The following SHOC1 variants were observed in gnomAD, a reference collection of about 807,000 sequenced individuals.
SHOC1 encodes shortage in chiasmata 1.
In SHOC1, 136 loss-of-function variants were observed where a neutral mutation model predicts 179.2. The ratio of observed to expected loss-of-function variants is 0.76; its 90% CI spans 0.66 to 0.87. The LOEUF is 0.87. Ranked by LOEUF, SHOC1 falls within the 40% of genes least tolerant of loss-of-function variation. SHOC1 has a pLI of 0.00. For missense variants in SHOC1, 1,538 were observed against 1,700.8 expected (o/e 0.90, Z 1.68); for synonymous variants, 489 against 586.6 (o/e 0.83, Z 2.41).
At chr9:111,749,932 C>T (rs1834497454) in intron 8 of SHOC1, among the ~76,000 whole-genome samples, 1 of 152,090 alleles carries the variant, frequency 6.6e-6, no homozygotes, top group Admixed American at 6.6e-5. Flanking sequence ...CATTGATGGG[C>T]ATTTAGGTTG....
chr9:111,688,254 T>C (rs551950855), intron 27 of SHOC1, among the ~76,000 whole-genome samples: 13 of 152,182 alleles, frequency 8.5e-5, no homozygotes, highest in Non-Finnish European at 1.3e-4. Flanking sequence ...CACAGCCAAT[T>C]CTAAAATTTC....
At chr9:111,743,566 G>A (rs1242024510) in intron 10 of SHOC1, among the ~76,000 whole-genome samples, 1 of 152,142 alleles carries the variant, frequency 6.6e-6, no homozygotes, top group African/African-American at 2.4e-5. Context: ...CAGTGCTTGT[G>A]TTCAAGTAAC....
At chr9:111,769,514 C>T (rs1228456426) in intron 5 of SHOC1, among the ~76,000 whole-genome samples, 2 of 152,106 alleles carry the variant, frequency 1.3e-5, no homozygotes, top group East Asian at 1.9e-4. Flanking sequence ...CTCACTCTGT[C>T]ACCCAGGCTG....
chr9:111,759,324 G>T (rs1735002156), intron 5 of SHOC1: 1 of 1,559,648 alleles, frequency 6.4e-7, no homozygotes, highest in African/African-American at 1.4e-5. Context: ...GCCTACAAAT[G>T]AGACTGATTC....
At chr9:111,765,736 C>CA (rs1383543963) in intron 5 of SHOC1, among the ~76,000 whole-genome samples, 1 of 151,388 alleles carries the variant, frequency 6.6e-6, no homozygotes, top group African/African-American at 2.4e-5. Context: ...TTTTTTGAGA[C>CA]AGAGTCTCAC....
chr9:111,715,551 G>A (rs1818021881), intron 16 of SHOC1, among the ~76,000 whole-genome samples: 1 of 152,060 alleles, frequency 6.6e-6, no homozygotes, highest in South Asian at 2.1e-4. Flanking sequence ...TAGCATCCCT[G>A]AAATTCTTTT....
At chr9:111,721,329 CTT>C (rs1372882924) in intron 15 of SHOC1, among the ~76,000 whole-genome samples, 1 of 151,974 alleles carries the variant, frequency 6.6e-6, no homozygotes, top group East Asian at 1.9e-4. Context: ...CACATATATT[CTT>C]TGTTTGTTTG....
intron 27 of SHOC1, 25 bp from the exon 28 acceptor site, chr9:111,686,895 C>T (rs764154578): frequency 1.5e-5 from 21 of 1,390,446 alleles, no homozygotes; most frequent in Non-Finnish European, 2.1e-5. Flanking sequence ...AAAAGGAAAA[C>T]CATTTTATTG....
chr9:111,725,500 C>T (rs1263222043), intron 13 of SHOC1, among the ~76,000 whole-genome samples: 1 of 152,152 alleles, frequency 6.6e-6, no homozygotes, highest in Non-Finnish European at 1.5e-5. Flanking sequence ...GGATACCCCA[C>T]TGGGTCCAGG....
intron 24 of SHOC1, among the ~76,000 whole-genome samples, chr9:111,695,654 T>A (rs1178391074): frequency 6.6e-6 from 1 of 152,194 alleles, no homozygotes; most frequent in Non-Finnish European, 1.5e-5. Context: ...CAGAATCATC[T>A]GAATCATCAG....
intron 16 of SHOC1, among the ~76,000 whole-genome samples, chr9:111,715,453 T>TAGAG (rs1344973173): frequency 6.6e-6 from 1 of 152,216 alleles, no homozygotes; most frequent in Non-Finnish European, 1.5e-5. Flanking sequence ...GAGACTGACT[T>TAGAG]ACGTTCTTTC....
intron 27 of SHOC1, among the ~76,000 whole-genome samples, chr9:111,691,300 C>T (rs1831410581): frequency 6.6e-6 from 1 of 152,162 alleles, no homozygotes; most frequent in South Asian, 2.1e-4. Context: ...TCCTGCTTTA[C>T]TTAGAGTTGC....
Position 111,694,227 on chromosome 9 carries a change from A to G in SHOC1, c.3315+4T>C. 6.3e-7 allele frequency: 1 copy of G among 1,597,734 alleles called. No homozygotes were observed. Among genetic ancestry groups the G allele is most frequent in the Non-Finnish European group, 8.5e-7 (1 of 1,172,166 alleles). On this transcript the variant is annotated splice_donor_region_variant and intron_variant, in intron 25 of 27. Transcript: ENST00000682961. ...TATCTATTTTACACATTTAGAAAAT[A>G]TACCTCAGATGGTGAAACTTTAAGC... is the stretch of plus-strand genomic sequence containing the variant.
chr9:111,732,794 T>C (rs1182330433), intron 12 of SHOC1, among the ~76,000 whole-genome samples: 1 of 152,110 alleles, frequency 6.6e-6, no homozygotes, highest in Non-Finnish European at 1.5e-5. Flanking sequence ...GGAAGGAGAA[T>C]GACTGCAAAG....
At chr9:111,724,009 A>G (rs1452931160) in intron 13 of SHOC1, 98 bp from the exon 14 acceptor site, 5 of 883,684 alleles carry the variant, frequency 5.7e-6, no homozygotes, top group Non-Finnish European at 6.7e-6. Context: ...CACAGTTGTT[A>G]AATTTCTTCA....
rs1589370305 is a variant in SHOC1 at position 111,692,485 on chromosome 9, G to T, written c.3492C>A (p.Phe1164Leu). 5 of 1,585,626 alleles carry T rather than the reference G, an allele frequency of 3.2e-6. No homozygotes were observed. The East Asian group carries it at 9.0e-5, about 29-fold the overall frequency. ...TTGTTATGGAAGAAGAACCAATCTTGAATAGGGAAGTGATGCTACAAAAAT... is the reference window on the plus strand; with the variant it reads ...TTGTTATGGAAGAAGAACCAATCTTTAATAGGGAAGTGATGCTACAAAAAT... ...LKHFCSITSL[F>L]KIGSSSITKS... The change falls in exon 27 of 28, where the codon TTC (phenylalanine) becomes TTA (leucine). Residue 1164 changes from phenylalanine to leucine, a missense_variant. By Grantham distance (22) the Phe-to-Leu change is conservative. Coordinates refer to ENST00000682961, the MANE Select transcript of SHOC1 (RefSeq NM_001378211.1).
Position 111,758,787 on chromosome 9 carries a change from C to A in SHOC1, c.504G>T (p.Leu168Phe), listed in dbSNP as rs748674511. The change falls in exon 6 of 28, where the codon TTG becomes TTT. Residue 168 changes from leucine (L) to phenylalanine (F), a missense_variant. Leu to Phe is a conservative substitution (Grantham distance 22). Coordinates refer to ENST00000682961, the MANE Select transcript of SHOC1 (RefSeq NM_001378211.1). ...GTTTTAGTCTACTCAAGAGAGTAGGCAAAGTTGGTAGGTGTTTTCTACTAC... is the reference window on the plus strand; with the variant it reads ...GTTTTAGTCTACTCAAGAGAGTAGGAAAAGTTGGTAGGTGTTTTCTACTAC... ...FVSSRKHLPTLPTLLSRLKLF... is the reference protein window; with the variant it reads ...FVSSRKHLPTFPTLLSRLKLF... 3.1e-6 allele frequency: 5 copies of A among 1,595,062 alleles called. No individual in the cohort carries two copies. The highest frequency in any genetic ancestry group is 1.4e-5 in the African/African-American group (1 of 74,052).
chr9:111,699,535 A>G (rs1831864187), intron 24 of SHOC1, among the ~76,000 whole-genome samples: 1 of 152,190 alleles, frequency 6.6e-6, no homozygotes, highest in East Asian at 1.9e-4. Flanking sequence ...ACAAATGTCT[A>G]AATTTCAGAG....
Position 111,791,386 on chromosome 9 carries a change from G to C in SHOC1, c.33C>G (p.Asp11Glu). The change falls in exon 2 of 28, where the codon GAC (aspartate) becomes GAG (glutamate). Residue 11 changes from aspartate (D) to glutamate (E), a missense_variant. Physicochemically the swap from Asp to Glu is conservative, Grantham distance 45. Coordinates refer to ENST00000682961, the MANE Select transcript of SHOC1 (RefSeq NM_001378211.1). The part of the protein sequence containing the change: MFSALKYHAI[D>E]YLYENVVRKK... ...ACTAACACTCTACCTCATATAAATA[G>C]TCTATTGCATGATATTTCAATGCTG... 6.8e-7 allele frequency: 1 copy of C among 1,476,146 alleles called. No homozygotes were observed. 91.4% of individuals were successfully genotyped at this position (1,476,146 alleles called of 1,614,324 possible).
Sources: allele counts gnomAD v4.1 joint callset (sites outside exome capture counted in the v4.1 genomes callset), GRCh38; gene constraint gnomAD v4.1.1; transcripts MANE v1.5; gene names NCBI Gene and HGNC (gene_info 2026-07-23, HGNC 2026-07-21).